NBPF26: variants seen among roughly 807,000 people sequenced by gnomAD.
NBPF26 encodes NBPF member 26.
NBPF26 carries 79 observed loss-of-function variants against 119.6 expected under a neutral mutation model. That is an observed-to-expected ratio of 0.66 (90% CI 0.55 to 0.80). NBPF26 has a LOEUF of 0.80. NBPF26 is among the 30% of genes least tolerant of loss of function. The pLI, the probability that NBPF26 is intolerant of heterozygous loss-of-function variation, is 0.00. For missense variants in NBPF26, 800 were observed against 1,198.2 expected (o/e 0.67, Z 4.91); for synonymous variants, 299 against 457.7 (o/e 0.65, Z 4.43).
At chr1:120,793,166 G>A in exon 4 of NBPF26, 2 of 1,417,980 alleles carry the variant, frequency 1.4e-6, no homozygotes, top group South Asian at 1.2e-5. Flanking sequence ...TTTAGGTAAG[G>A]AGTGCCAATG....
intron 1 of NBPF26, among the ~76,000 whole-genome samples, chr1:120,734,388 G>C (rs1269475009): frequency 1.2e-5 from 1 of 81,626 alleles, no homozygotes; most frequent in Non-Finnish European, 2.3e-5. Flanking sequence ...AAACCTATTT[G>C]AAGGATTACA....
chr1:120,778,231 G>T lies in NBPF26; in HGVS notation c.156-6743G>T, dbSNP rs1291227227. On this transcript the variant is annotated intron_variant, in intron 2 of 29. Coordinates refer to ENST00000620612, the Ensembl canonical transcript of NBPF26. ...CTGGGTTTTGTTAGTTTTTTCCCCT[G>T]CCCTTACCTCATTTACCTTAATGAC... Among the ~76,000 whole-genome samples the T allele has an allele frequency of 4.3e-4, 24 of 56,268 alleles. 8 individuals are homozygous for T. Among genetic ancestry groups the T allele is most frequent in the Admixed American group, 4.0e-3 (24 of 6,058 alleles). 36.9% of individuals were successfully genotyped at this position (56,268 alleles called of 152,430 possible).
In NBPF26 at chr1:120,748,113, C is replaced by CTTT. The variant is rs1186945714; in HGVS notation, c.74-15492_74-15490dup. Among the ~76,000 whole-genome samples the CTTT allele has an allele frequency of 6.1e-4, 18 of 29,684 alleles. No homozygotes were observed. In the East Asian group the frequency reaches 0.02, roughly 34 times the overall value. The allele number at this position is 29,684 out of a possible 152,430, so 19.5% of individuals were successfully genotyped here. A position where few individuals can be genotyped will look rare whatever the true frequency, so the allele number is the denominator to read the frequency against. On this transcript the variant is annotated intron_variant, in intron 1 of 29. Coordinates refer to ENST00000620612, the Ensembl canonical transcript of NBPF26. ...TAGAGTTAGGGCTTGGTAAAGGCTC[C>CTTT]TTTTTTTTTTTTTTTTTTTTTTTTT... is the stretch of plus-strand genomic sequence containing the variant.
At chr1:120,828,793 A>AC in intron 18 of NBPF26, among the ~76,000 whole-genome samples, 1 of 44,680 alleles carries the variant, frequency 2.2e-5, no homozygotes, top group Admixed American at 2.4e-4. Context: ...CAGAATAGGG[A>AC]ATTTTACCCA....
intron 1 of NBPF26, among the ~76,000 whole-genome samples, chr1:120,728,709 T>G (rs1384561330): frequency 8.5e-6 from 1 of 117,822 alleles, no homozygotes; most frequent in Non-Finnish European, 1.6e-5. Context: ...TTAACTAAGT[T>G]TATATTTATT....
At position 120,840,241 on chromosome 1, in the gene NBPF26, T is replaced by C. The variant is rs1360000531; in HGVS notation, c.4104-109T>C. The C allele has an allele frequency of 1.2e-4, 168 of 1,412,622 alleles. 28 individuals carry two copies. The highest frequency in any genetic ancestry group is 1.6e-4 in the Non-Finnish European group (168 of 1,064,514). The allele number at this position is 1,412,622 out of a possible 1,614,324, so 87.5% of individuals were successfully genotyped here. On this transcript the variant is annotated intron_variant, in intron 29 of 29. Coordinates refer to ENST00000620612, the Ensembl canonical transcript of NBPF26. ...TTTTTTTTTACCTCATTAATGGATCTATCCTTTTTCTTTTCTAACCACTTC... is the reference window on the plus strand; with the variant it reads ...TTTTTTTTTACCTCATTAATGGATCCATCCTTTTTCTTTTCTAACCACTTC...
Position 120,824,001 on chromosome 1 carries a change from AG to A in NBPF26, c.2670del (p.Pro891LeufsTer21). 1.2e-6 allele frequency: 1 copy of A among 842,732 alleles called. No homozygotes were observed. The highest frequency in any genetic ancestry group is 1.8e-6 in the Non-Finnish European group (1 of 559,680). 52.2% of individuals were successfully genotyped at this position (842,732 alleles called of 1,614,324 possible). A position where few individuals can be genotyped will look rare whatever the true frequency, so the allele number is the denominator to read the frequency against. ...TCAGCAGAGAGCTGCTGGATGAGAA[AG>A]GGCCTGAAGTCTTGCAGGACTCACT... On this transcript the variant is annotated frameshift_variant, in exon 18 of 30. Transcript: ENST00000620612. LOFTEE classifies it high-confidence loss of function.
intron 2 of NBPF26, among the ~76,000 whole-genome samples, chr1:120,784,466 CT>C (rs1253957123): frequency 8.5e-6 from 1 of 117,134 alleles, no homozygotes; most frequent in Non-Finnish European, 1.6e-5. Flanking sequence ...GTGTTATGGC[CT>C]TTGCATTTGC....
At chr1:120,793,447 C>G in exon 4 of NBPF26, 1 of 1,438,692 alleles carries the variant, frequency 7.0e-7, no homozygotes, top group South Asian at 1.2e-5. Flanking sequence ...TCAATGGAGG[C>G]ACCTGTCGGC....
chr1:120,825,273 C>A (rs1364347796), intron 18 of NBPF26, among the ~76,000 whole-genome samples: 1 of 122,470 alleles, frequency 8.2e-6, no homozygotes. Flanking sequence ...GTGTGTCACC[C>A]GGCCAATTCA....
At chr1:120,810,604 G>C (rs1239636227) in intron 9 of NBPF26, 46 bp downstream of exon 9, 1 of 1,362,272 alleles carries the variant, frequency 7.3e-7, no homozygotes, top group Non-Finnish European at 9.9e-7. Context: ...CTAGGCTATG[G>C]AAGGTCAATT....
chr1:120,839,544 A>T, intron 28 of NBPF26, 88 bp from the exon 35 acceptor site: 2 of 19,586 alleles, frequency 1.0e-4, no homozygotes, highest in Non-Finnish European at 1.9e-4. Context: ...GAGGAGCCTG[A>T]GGTCCCTGTG....
chr1:120,825,254 C>T (rs1404104651), intron 18 of NBPF26, among the ~76,000 whole-genome samples: 1 of 122,590 alleles, frequency 8.2e-6, no homozygotes, highest in Non-Finnish European at 1.6e-5. Flanking sequence ...TCCTTTGACC[C>T]CTTCATCTGT....
In NBPF26 at chr1:120,724,463, C is replaced by T. The variant is rs1374422020; in HGVS notation, c.73+213C>T. On this transcript the variant is annotated intron_variant, in intron 1 of 29. Coordinates refer to ENST00000620612, the Ensembl canonical transcript of NBPF26. ...GCTGGGGTTCCCCGCCGCCTCTGCT[C>T]CCCGCGGCCCGGGACCCCTCACACG... 9.6e-4 allele frequency among the ~76,000 whole-genome samples: 116 copies of T among 121,258 alleles called. 27 individuals are homozygous for T. The highest frequency in any genetic ancestry group is 9.2e-4 in the Admixed American group (12 of 13,010). 79.5% of individuals were successfully genotyped at this position (121,258 alleles called of 152,430 possible). A position where few individuals can be genotyped will look rare whatever the true frequency, so the allele number is the denominator to read the frequency against.
At chr1:120,784,407 C>G (rs2101452962) in intron 2 of NBPF26, among the ~76,000 whole-genome samples, 1 of 116,756 alleles carries the variant, frequency 8.6e-6, no homozygotes, top group South Asian at 2.5e-4. Flanking sequence ...CTATTTTCTG[C>G]TGCTCCAGAT....
rs1168070360 is a variant in NBPF26 at position 120,840,279 on chromosome 1, C to T, written c.4104-71C>T. ...TTCTAACCACTTCCTTATGTTACTT[C>T]TGAAATCTAGTGGGGCTCTGTGGTG... On this transcript the variant is annotated intron_variant, in intron 29 of 29. Transcript: ENST00000620612. 4.9e-6 allele frequency: 7 copies of T among 1,443,082 alleles called. 3 individuals are homozygous for T. Among genetic ancestry groups the T allele is most frequent in the Non-Finnish European group, 6.5e-6 (7 of 1,081,398 alleles). The allele number at this position is 1,443,082 out of a possible 1,614,324, so 89.4% of individuals were successfully genotyped here.
intron 2 of NBPF26, among the ~76,000 whole-genome samples, chr1:120,777,953 T>TA (rs1651316813): frequency 1.1e-5 from 1 of 88,898 alleles, no homozygotes; most frequent in Non-Finnish European, 2.0e-5. Context: ...CCTAGAAGTT[T>TA]AGACTTGATT....
Position 120,823,071 on chromosome 1 carries a change from C to T in NBPF26, c.2588-238C>T, listed in dbSNP as rs1444232594. ...CTCATTTGTGTACATAAACCTAGGA[C>T]AGAGCACATAGGGAAGATAACATTC... On this transcript the variant is annotated intron_variant, in intron 16 of 29. Coordinates refer to ENST00000620612, the Ensembl canonical transcript of NBPF26. Among the ~76,000 whole-genome samples, 8 of 120,258 alleles carry T rather than the reference C, an allele frequency of 6.7e-5. 2 individuals are homozygous for T. Among genetic ancestry groups the T allele is most frequent in the Admixed American group, 6.4e-4 (8 of 12,424 alleles). 78.9% of individuals were successfully genotyped at this position (120,258 alleles called of 152,430 possible).
intron 6 of NBPF26, among the ~76,000 whole-genome samples, 165 bp downstream of exon 6, chr1:120,807,874 G>A (rs1304163309): frequency 8.3e-6 from 1 of 120,662 alleles, no homozygotes; most frequent in Non-Finnish European, 1.7e-5. Context: ...AAGGAGGATA[G>A]TAAAAATGTA....
Sources: gnomAD v4.1 joint callset for allele counts (sites outside exome capture counted in the v4.1 genomes callset) on GRCh38, gnomAD v4.1.1 for gene constraint, MANE v1.5 for transcripts, NCBI Gene and HGNC (gene_info 2026-07-23, HGNC 2026-07-21) for gene names.